TEF: variants seen among roughly 807,000 people sequenced by gnomAD.
TEF encodes the protein TEF transcription factor, PAR bZIP family member, also known as thyrotroph embryonic factor.
A neutral mutation model predicts 20.8 loss-of-function variants in TEF; 3 were observed. The ratio of observed to expected loss-of-function variants is 0.14; its 90% CI spans 0.07 to 0.37. TEF has a LOEUF of 0.37. Ranked by LOEUF, TEF falls within the 10% of genes least tolerant of loss-of-function variation. TEF has a pLI of 1.00. For missense variants in TEF, 296 were observed against 397.9 expected (o/e 0.74, Z 2.18); for synonymous variants, 180 against 171.1 (o/e 1.05, Z -0.41).
chr22:41,396,801 C>T lies in TEF; in HGVS notation c.*841C>T. Reference sequence around the variant, plus strand: ...ACTAGACCAGGCCTCTGGGCCTGCTCTTTCTTTCCACCCAATGTCCAGTCT... The same window carrying T: ...ACTAGACCAGGCCTCTGGGCCTGCTTTTTCTTTCCACCCAATGTCCAGTCT... On this transcript the variant is annotated 3_prime_UTR_variant, in exon 4 of 4. Transcript: ENST00000266304. 1 of 396,994 alleles carries T rather than the reference C, an allele frequency of 2.5e-6. No individual in the cohort carries two copies. Among genetic ancestry groups the T allele is most frequent in the African/African-American group, 2.1e-5 (1 of 48,710 alleles). The allele number at this position is 396,994 out of a possible 1,614,324, so 24.6% of individuals were successfully genotyped here.
At chr22:41,382,725 G>T (rs557513733) in intron 1 of TEF, among the ~76,000 whole-genome samples, 1 of 152,162 alleles carries the variant, frequency 6.6e-6, no homozygotes, top group African/African-American at 2.4e-5. Flanking sequence ...GGTGTGAGTA[G>T]CGCCAGCTAC....
intron 1 of TEF, among the ~76,000 whole-genome samples, chr22:41,371,075 C>T (rs1279140306): frequency 1.3e-5 from 2 of 152,238 alleles, no homozygotes; most frequent in Non-Finnish European, 2.9e-5. Context: ...ACCTGTCTCC[C>T]AAGGATACTT....
In TEF at chr22:41,398,462, G is replaced by A. The variant is rs1271123284; in HGVS notation, c.*2502G>A. Reference sequence around the variant, plus strand: ...CTTGGAAGTGCCGTCTACTTCCTAAGCATCCTGTCTAAAGCTTTGTGGCAC... The same window carrying A: ...CTTGGAAGTGCCGTCTACTTCCTAAACATCCTGTCTAAAGCTTTGTGGCAC... On this transcript the variant is annotated 3_prime_UTR_variant, in exon 4 of 4. Transcript: ENST00000266304. 1 of 153,766 alleles carries A rather than the reference G, an allele frequency of 6.5e-6. No individual in the cohort carries two copies. The highest frequency in any genetic ancestry group is 1.5e-5 in the Non-Finnish European group (1 of 68,042). 9.5% of individuals were successfully genotyped at this position (153,766 alleles called of 1,614,324 possible).
rs2037235280 is a variant in TEF, at chr22:41,396,851, C to A, written c.*891C>A. The A allele has an allele frequency of 2.5e-6, 1 of 398,128 alleles. No homozygotes were observed. The highest frequency in any genetic ancestry group is 1.3e-4 in the South Asian group (1 of 7,726). The allele number at this position is 398,128 out of a possible 1,614,324, so 24.7% of individuals were successfully genotyped here. A position where few individuals can be genotyped will look rare whatever the true frequency, so the allele number is the denominator to read the frequency against. ...TTGGATCATAGATTTAAAAGGAAAA[C>A]CCCTCTTATCTAGGAGGCTTTAACT... On this transcript the variant is annotated 3_prime_UTR_variant, in exon 4 of 4. Coordinates refer to ENST00000266304, the MANE Select transcript of TEF (RefSeq NM_003216.4).
At chr22:41,383,348 G>T (rs139542537) in intron 1 of TEF, among the ~76,000 whole-genome samples, 173 of 152,204 alleles carry the variant, frequency 1.1e-3, no homozygotes, top group African/African-American at 4.1e-3. Context: ...TTTTTGAGAC[G>T]GTGCTTTGTT....
intron 1 of TEF, among the ~76,000 whole-genome samples, chr22:41,371,414 C>T (rs2036881468): frequency 6.6e-6 from 1 of 152,200 alleles, no homozygotes; most frequent in African/African-American, 2.4e-5. Flanking sequence ...GGCAGTGTGG[C>T]CCTGGGAAGA....
chr22:41,393,967 G>A (rs952049683), intron 2 of TEF, 129 bp from the exon 3 acceptor site: 4 of 701,452 alleles, frequency 5.7e-6, no homozygotes, highest in African/African-American at 1.8e-5. Flanking sequence ...TGGTACTGTT[G>A]GGGTTTTCTT....
chr22:41,394,293 G>A lies in TEF; in HGVS notation c.673G>A (p.Val225Ile), dbSNP rs1452043320. The A allele has an allele frequency of 1.2e-6, 2 of 1,613,964 alleles. No homozygotes were observed. The highest frequency in any genetic ancestry group is 1.7e-5 in the Admixed American group (1 of 60,012). Residue 225 changes from valine (V) to isoleucine (I), a missense_variant, in exon 3 of 4, where the codon GTC becomes ATC. This residue lies in a region of TEF where 194 missense variants were observed against 317.8 expected (regional missense o/e 0.61). Transcript: ENST00000266304. ...GCCTATGATCAAAAAGGCCAAGAAG[G>A]TCTTTGTCCCCGACGAGCAGAAGGT... ...PQPMIKKAKK[V>I]FVPDEQKDEK... is the part of the protein sequence containing the mutation.
intron 2 of TEF, among the ~76,000 whole-genome samples, 195 bp from the exon 3 acceptor site, chr22:41,393,901 A>G (rs777923432): frequency 2.0e-4 from 30 of 152,172 alleles, no homozygotes; most frequent in Non-Finnish European, 4.1e-4. Flanking sequence ...GAAGGAAAGA[A>G]TTCTTTGAAT....
At chr22:41,389,922 G>A (rs975511970) in intron 2 of TEF, among the ~76,000 whole-genome samples, 11 of 150,336 alleles carry the variant, frequency 7.3e-5, no homozygotes, top group African/African-American at 9.8e-5. Context: ...TTTTTGAGAC[G>A]GAGTCTTGCT....
chr22:41,376,994 G>C (rs996328685), upstream of TEF, among the ~76,000 whole-genome samples: 1 of 152,132 alleles, frequency 6.6e-6, no homozygotes, highest in Non-Finnish European at 1.5e-5. Flanking sequence ...GTGTGGTCTT[G>C]TTTCTTGTTT....
rs763285934 is a variant in TEF at position 41,370,183 on chromosome 22, C to T, written c.67+2584C>T. 3.5e-5 allele frequency: 27 copies of T among 780,410 alleles called. No individual in the cohort carries two copies. The Admixed American group carries it at 6.9e-4, about 20-fold the overall frequency. The allele number at this position is 780,410 out of a possible 1,614,324, so 48.3% of individuals were successfully genotyped here. ...AGGCTGGAGTGCAGTGGTGCTATCT[C>T]GGCTCACTGCAACCTCTGCCTCCTG... On this transcript the variant is annotated intron_variant, in intron 1 of 3. Transcript: ENST00000406644.
chr22:41,397,199 C>G lies in TEF; in HGVS notation c.*1239C>G, dbSNP rs2037240323. 5.0e-6 allele frequency: 2 copies of G among 398,244 alleles called. No homozygotes were observed. The highest frequency in any genetic ancestry group is 8.8e-6 in the Non-Finnish European group (2 of 226,040). 24.7% of individuals were successfully genotyped at this position (398,244 alleles called of 1,614,324 possible). ...CTTTTACACAGGCCTAGGGTCCCCTCAGTCTTGGTCCCAGGAGATGGGGGC... is the reference window on the plus strand; with the variant it reads ...CTTTTACACAGGCCTAGGGTCCCCTGAGTCTTGGTCCCAGGAGATGGGGGC... On this transcript the variant is annotated 3_prime_UTR_variant, in exon 4 of 4. Transcript: ENST00000266304.
upstream of TEF, among the ~76,000 whole-genome samples, chr22:41,381,266 G>C (rs950960718): frequency 1.3e-5 from 2 of 152,192 alleles, no homozygotes; most frequent in Non-Finnish European, 2.9e-5. Context: ...GCGACCCTGG[G>C]CAGAGTCCCC....
chr22:41,377,001 G>C (rs1202081374), upstream of TEF, among the ~76,000 whole-genome samples: 1 of 152,138 alleles, frequency 6.6e-6, no homozygotes, highest in Non-Finnish European at 1.5e-5. Context: ...CTTGTTTCTT[G>C]TTTTTGGTTT....
At chr22:41,378,829 AAGGTGTTT>A (rs2036979510), upstream of TEF, among the ~76,000 whole-genome samples, 1 of 152,160 alleles carries the variant, frequency 6.6e-6, no homozygotes, top group Admixed American at 6.5e-5. Context: ...GCTTCCCCTA[AAGGTGTTT>A]AAGTTTCGCC....
At chr22:41,373,889 G>C (rs534264166) in intron 1 of TEF, among the ~76,000 whole-genome samples, 1 of 149,708 alleles carries the variant, frequency 6.7e-6, no homozygotes, top group South Asian at 2.1e-4. Flanking sequence ...TCAGTCTCCC[G>C]AGTAGCTGAG....
In TEF at chr22:41,381,995, T is replaced by G. The variant is rs2037032108; in HGVS notation, c.-50T>G. On this transcript the variant is annotated 5_prime_UTR_variant, in exon 1 of 4. Transcript: ENST00000266304. ...GCGGGTCGCACGGCTCCGGCCCATC[T>G]CGGGGGGCGGGCGGGGGAGGCGAGG... 9 of 1,224,358 alleles carry G rather than the reference T, an allele frequency of 7.4e-6. No individual in the cohort carries two copies. The highest frequency in any genetic ancestry group is 1.6e-5 in the African/African-American group (1 of 62,254). The allele number at this position is 1,224,358 out of a possible 1,614,324, so 75.8% of individuals were successfully genotyped here. A position where few individuals can be genotyped will look rare whatever the true frequency, so the allele number is the denominator to read the frequency against.
Position 41,374,083 on chromosome 22 carries a change from A to G in TEF, c.67+6484A>G, listed in dbSNP as rs2036912898. ...AGCCTATATACTGTATTCTTACAAC[A>G]AAGTAAGCTACAGAAAATAAAATGT... On this transcript the variant is annotated intron_variant, in intron 1 of 3. Transcript: ENST00000406644. Among the ~76,000 whole-genome samples, 4 of 152,212 alleles carry G rather than the reference A, an allele frequency of 2.6e-5. No individual in the cohort carries two copies. In the South Asian group the frequency reaches 8.3e-4, roughly 32 times the overall value.
Sources: gnomAD v4.1 joint callset for allele counts (sites outside exome capture counted in the v4.1 genomes callset) on GRCh38, gnomAD v4.1.1 for gene constraint, gnomAD v4.1.1 regional missense constraint, MANE v1.5 for transcripts, NCBI Gene and HGNC (gene_info 2026-07-23, HGNC 2026-07-21) for gene names.